Variants in PPP1R27 observed in about 807,000 individuals in gnomAD.
The protein encoded by PPP1R27 is protein phosphatase 1 regulatory subunit 27, also known as dysferlin interacting protein 1.
Under a neutral mutation model 12.0 loss-of-function variants are expected in PPP1R27, and 10 were observed. The ratio of observed to expected loss-of-function variants is 0.84; its 90% CI spans 0.52 to 1.42. PPP1R27 has a LOEUF of 1.42. Among genes scored for constraint, PPP1R27 ranks in the 40% most tolerant of loss-of-function variants. The pLI is 0.00. For synonymous variants in PPP1R27, 98 were observed against 89.3 expected (o/e 1.10, Z -0.55); for missense variants, 246 against 215.3 (o/e 1.14, Z -0.89).
intron 2 of PPP1R27, 114 bp from the exon 3 acceptor site, chr17:81,833,966 G>A (rs1339808598): frequency 4.8e-6 from 6 of 1,255,326 alleles, no homozygotes; most frequent in Non-Finnish European, 6.5e-6. Context: ...CCACCTTGGG[G>A]TCCTAAGGTC....
chr17:81,834,433 C>T (rs1409500169), intron 2 of PPP1R27, 70 bp downstream of exon 2: 4 of 1,560,110 alleles, frequency 2.6e-6, no homozygotes, highest in South Asian at 1.1e-5. Context: ...TTTTGGGGCT[C>T]CCATCCTGGG....
intron 2 of PPP1R27, 72 bp downstream of exon 2, chr17:81,834,431 C>G: frequency 6.5e-7 from 1 of 1,544,894 alleles, no homozygotes; most frequent in Non-Finnish European, 8.8e-7. Flanking sequence ...CATTTTGGGG[C>G]TCCCATCCTG....
chr17:81,834,248 C>T lies in PPP1R27; in HGVS notation c.341+255G>A, dbSNP rs546334389. On this transcript the variant is annotated intron_variant, in intron 2 of 2. Transcript: ENST00000330261. ...CCTTGAGTAGCTGGGATTACAGGCG[C>T]GCGCCACCACGCGTGGCTAATTTTG... 256 of 504,572 alleles carry T rather than the reference C, an allele frequency of 5.1e-4. 2 individuals carry two copies. Among genetic ancestry groups the T allele is most frequent in the South Asian group, 4.4e-3 (170 of 38,404 alleles). 31.3% of individuals were successfully genotyped at this position (504,572 alleles called of 1,614,324 possible).
Position 81,833,562 on chromosome 17 carries a change from A to G in PPP1R27, c.*167T>C. On this transcript the variant is annotated 3_prime_UTR_variant, in exon 3 of 3. Coordinates refer to ENST00000330261, the MANE Select transcript of PPP1R27 (RefSeq NM_001007533.4). ...TGAAAAAGTAAAAAGTGTCACAGTA[A>G]AAAATTCACCTGGGGACAAAGCCAG... 1.5e-6 allele frequency: 1 copy of G among 676,776 alleles called. No homozygotes were observed. Among genetic ancestry groups the G allele is most frequent in the Non-Finnish European group, 2.4e-6 (1 of 415,796 alleles). The allele number at this position is 676,776 out of a possible 1,614,324, so 41.9% of individuals were successfully genotyped here. A position where few individuals can be genotyped will look rare whatever the true frequency, so the allele number is the denominator to read the frequency against.
chr17:81,834,394 G>T, intron 2 of PPP1R27, 109 bp downstream of exon 2: 1 of 1,303,144 alleles, frequency 7.7e-7, no homozygotes, highest in Non-Finnish European at 1.1e-6. Context: ...CCAGCCTCTA[G>T]GGTTCTTGCC....
chr17:81,834,451 T>G (rs1163928885), intron 2 of PPP1R27, 52 bp downstream of exon 2: 3 of 1,588,020 alleles, frequency 1.9e-6, no homozygotes, highest in African/African-American at 2.7e-5. Context: ...GGGGACCCAC[T>G]GAGGCCCGGA....
Position 81,834,778 on chromosome 17 carries a change from G to A in PPP1R27, c.176C>T (p.Thr59Ile), listed in dbSNP as rs1233548429. ...GCTTTGCTCACCTGAGGGGTGGATG[G>A]TGGCCAGGGAGACTTTCCGAGTCCG... The part of the protein sequence containing the change: ...FIRTRKVSLA[T>I]IHPSGLAALH... Residue 59 changes from threonine to isoleucine, a missense_variant, in exon 1 of 3, where the codon ACC becomes ATC. Transcript: ENST00000330261. 1 of 1,612,454 alleles carries A rather than the reference G, an allele frequency of 6.2e-7. No homozygotes were observed. The highest frequency in any genetic ancestry group is 1.3e-5 in the African/African-American group (1 of 75,052).
At position 81,834,651 on chromosome 17, in the gene PPP1R27, G is replaced by A. The variant is rs766804754; in HGVS notation, c.193C>T (p.Leu65=). 11 of 1,613,966 alleles carry A rather than the reference G, an allele frequency of 6.8e-6. No homozygotes were observed. The Admixed American group carries it at 1.8e-4, about 27-fold the overall frequency. The stretch of plus-strand genomic sequence containing the variant: ...AGCACGGCTTCATGCAAGGCGGCCA[G>A]GCCTGGGCAGGGAGGACGGGAGGGG... ...VSLATIHPSG[L]AALHEAVLSG... Residue 65 remains leucine (L), a splice_region_variant and synonymous_variant, in exon 2 of 3, where the codon CTG becomes TTG. Coordinates refer to ENST00000330261, the MANE Select transcript of PPP1R27 (RefSeq NM_001007533.4).
chr17:81,834,402 G>A, intron 2 of PPP1R27, 101 bp downstream of exon 2: 1 of 1,396,824 alleles, frequency 7.2e-7, no homozygotes, highest in African/African-American at 1.4e-5. Context: ...TAGGGTTCTT[G>A]CCGACACCAC....
rs2038594739 is a variant in PPP1R27, at chr17:81,834,868, G to A, written c.86C>T (p.Pro29Leu). 1 of 1,613,480 alleles carries A rather than the reference G, an allele frequency of 6.2e-7. No homozygotes were observed. Among genetic ancestry groups the A allele is most frequent in the Non-Finnish European group, 8.5e-7 (1 of 1,180,002 alleles). The change falls in exon 1 of 3, where the codon CCT (proline) becomes CTT (leucine). Residue 29 changes from proline (P) to leucine (L), a missense_variant. Coordinates refer to ENST00000330261, the MANE Select transcript of PPP1R27 (RefSeq NM_001007533.4). ...GTGGTCCAAGAACAGGACATCATTA[G>A]GGAAACGCACGCTGCGATCAGCCAG... ...RMLADRSVRF[P>L]NDVLFLDHIR...
Position 81,833,572 on chromosome 17 carries a change from C to T in PPP1R27, c.*157G>A, listed in dbSNP as rs1598257961. 6 of 720,538 alleles carry T rather than the reference C, an allele frequency of 8.3e-6. 1 individual carries two copies. The Admixed American group carries it at 1.6e-4, about 19-fold the overall frequency. 44.6% of individuals were successfully genotyped at this position (720,538 alleles called of 1,614,324 possible). ...AAAAGTGTCACAGTAAAAAATTCAC[C>T]TGGGGACAAAGCCAGGCCTAGGAGG... On this transcript the variant is annotated 3_prime_UTR_variant, in exon 3 of 3. Coordinates refer to ENST00000330261, the MANE Select transcript of PPP1R27 (RefSeq NM_001007533.4).
At chr17:81,834,684 T>C (rs1321065436) in intron 1 of PPP1R27, 31 bp from the exon 2 acceptor site, 1 of 1,613,166 alleles carries the variant, frequency 6.2e-7, no homozygotes, top group South Asian at 1.1e-5. Flanking sequence ...GGGTCAAGAC[T>C]GAGCCCCAGG....
chr17:81,833,832 G>T lies in PPP1R27; in HGVS notation c.362C>A (p.Ala121Glu). Residue 121 changes from alanine (A) to glutamate (E), a missense_variant, in exon 3 of 3, where the codon GCG becomes GAG. Coordinates refer to ENST00000330261, the MANE Select transcript of PPP1R27 (RefSeq NM_001007533.4). ...ATCGTCGTTGGTTGCATCCCTGTCC[G>T]CTCCCAGGGAGATAAGGTACCTGGG... The part of the protein sequence containing the change: ...DIARYLISLG[A>E]DRDATNDDGD... 6.3e-7 allele frequency: 1 copy of T among 1,589,372 alleles called. No individual in the cohort carries two copies.
chr17:81,834,573 G>C lies in PPP1R27; in HGVS notation c.271C>G (p.His91Asp). 2 of 1,614,216 alleles carry C rather than the reference G, an allele frequency of 1.2e-6. No individual in the cohort carries two copies. The highest frequency in any genetic ancestry group is 1.7e-6 in the Non-Finnish European group (2 of 1,180,026). Residue 91 changes from histidine (H) to aspartate (D), a missense_variant, in exon 2 of 3, where the codon CAC becomes GAC. Coordinates refer to ENST00000330261, the MANE Select transcript of PPP1R27 (RefSeq NM_001007533.4). ...GTCCAGCCCGCCTCATCTCGCTGGT[G>C]AATGTCAGCCCCGTATTTGACCAGC... ...KLLVKYGADI[H>D]QRDEAGWTPL...
intron 2 of PPP1R27, chr17:81,834,170 C>T: frequency 2.2e-6 from 1 of 464,550 alleles, no homozygotes; most frequent in Non-Finnish European, 3.8e-6. Context: ...ATGGCATGAT[C>T]TCGACTCACG....
At chr17:81,834,722 C>G (rs371569765) in intron 1 of PPP1R27, 42 bp downstream of exon 1, 17 of 1,609,402 alleles carry the variant, frequency 1.1e-5, no homozygotes, top group Non-Finnish European at 1.4e-5. Flanking sequence ...GCCTCTCCCA[C>G]CACCCCACAG....
chr17:81,833,522 G>C lies in PPP1R27; in HGVS notation c.*207C>G, dbSNP rs1219159868. The C allele has an allele frequency of 1.9e-4, 107 of 560,926 alleles. No individual in the cohort carries two copies. In the East Asian group the frequency reaches 3.2e-3, roughly 17 times the overall value. 34.7% of individuals were successfully genotyped at this position (560,926 alleles called of 1,614,324 possible). A position where few individuals can be genotyped will look rare whatever the true frequency, so the allele number is the denominator to read the frequency against. ...TGTGTAGACCCAGGCCCCCTCACCT[G>C]GGAGTCACGTTTATTGAAAAAGTAA... On this transcript the variant is annotated 3_prime_UTR_variant, in exon 3 of 3. Transcript: ENST00000330261.
chr17:81,833,776 C>CCGGGTCGATGAGGTCGGAGGG lies in PPP1R27; in HGVS notation c.397_417dup (p.Pro133_Pro139dup), dbSNP rs1202035955. ...AAGAGCTCCACCAGCTCCTTGTAGT[C>CCGGGTCGATGAGGTCGGAGGG]CGGGTCGATGAGGTCGGAGGGCAGG... On this transcript the variant is annotated inframe_insertion, in exon 3 of 3. Transcript: ENST00000330261. 3 of 1,556,568 alleles carry CCGGGTCGATGAGGTCGGAGGG rather than the reference C, an allele frequency of 1.9e-6. No individual in the cohort carries two copies. The highest frequency in any genetic ancestry group is 2.4e-5 in the South Asian group (2 of 84,424).
At chr17:81,833,943 A>ACACAGGTGACC in intron 2 of PPP1R27, 91 bp from the exon 3 acceptor site, 2 of 1,456,078 alleles carry the variant, frequency 1.4e-6, no homozygotes, top group Non-Finnish European at 9.2e-7. Flanking sequence ...TCCTGGGGTC[A>ACACAGGTGACC]CCTGTGTGTC....
Sources: gnomAD v4.1 joint callset for allele counts on GRCh38, gnomAD v4.1.1 for gene constraint, MANE v1.5 for transcripts, NCBI Gene and HGNC (gene_info 2026-07-23, HGNC 2026-07-21) for gene names.